WASF2: variants seen among roughly 807,000 people sequenced by gnomAD.
WASF2 encodes the protein WASP family member 2, also known as actin-binding protein WASF2.
WASF2 carries 14 observed loss-of-function variants against 45.0 expected under a neutral mutation model. That is an observed-to-expected ratio of 0.31 (90% CI 0.21 to 0.49). The LOEUF is 0.49. Among genes scored for constraint, WASF2 ranks in the 20% least tolerant of loss-of-function variants. WASF2 has a pLI of 0.99. For synonymous variants in WASF2, 200 were observed against 236.3 expected (o/e 0.85, Z 1.41); for missense variants, 439 against 636.1 (o/e 0.69, Z 3.33).
intron 1 of WASF2, among the ~76,000 whole-genome samples, chr1:27,430,507 T>C (rs1268675844): frequency 6.6e-6 from 1 of 152,138 alleles, no homozygotes; most frequent in Non-Finnish European, 1.5e-5. Flanking sequence ...ATTACAGGCA[T>C]GCACCACCAC....
At chr1:27,472,969 C>T (rs1467865217) in intron 1 of WASF2, among the ~76,000 whole-genome samples, 1 of 98,770 alleles carries the variant, frequency 1.0e-5, no homozygotes, top group African/African-American at 5.8e-5. Context: ...AAGACCTTGT[C>T]TCAAAAAAAA....
chr1:27,461,007 G>A (rs1262096557), intron 1 of WASF2, among the ~76,000 whole-genome samples: 2 of 151,990 alleles, frequency 1.3e-5, no homozygotes, highest in African/African-American at 2.4e-5. Context: ...TTATCTGGGG[G>A]TGTTTGTGGG....
intron 5 of WASF2, among the ~76,000 whole-genome samples, chr1:27,415,229 T>C (rs1318755243): frequency 6.6e-6 from 1 of 152,216 alleles, no homozygotes; most frequent in Non-Finnish European, 1.5e-5. Flanking sequence ...CTCATTCACA[T>C]TTTTGAAAAG....
chr1:27,458,654 G>A lies in WASF2; in HGVS notation c.-43-29721C>T, dbSNP rs527795596. Among the ~76,000 whole-genome samples the A allele has an allele frequency of 6.6e-5, 10 of 151,598 alleles. No homozygotes were observed. In the East Asian group the frequency reaches 7.8e-4, roughly 12 times the overall value. ...CTAAAAATACAAAAATTAGTTGGGCGTGGTGGTGCATGCCTGTAATCCCAG... is the reference window on the plus strand; with the variant it reads ...CTAAAAATACAAAAATTAGTTGGGCATGGTGGTGCATGCCTGTAATCCCAG... On this transcript the variant is annotated intron_variant, in intron 1 of 8. Coordinates refer to ENST00000618852, the MANE Select transcript of WASF2 (RefSeq NM_006990.5).
intron 1 of WASF2, among the ~76,000 whole-genome samples, chr1:27,477,929 A>G: frequency 9.7e-6 from 1 of 103,020 alleles, no homozygotes; most frequent in Non-Finnish European, 1.8e-5. Context: ...TAAAAAAAAA[A>G]ATAAAAATAA....
intron 7 of WASF2, among the ~76,000 whole-genome samples, chr1:27,411,275 G>A (rs970179512): frequency 1.6e-4 from 25 of 152,294 alleles, no homozygotes; most frequent in African/African-American, 4.3e-4. Flanking sequence ...CAAAAGTAAC[G>A]GAGAAAACAG....
intron 1 of WASF2, among the ~76,000 whole-genome samples, chr1:27,457,008 C>T (rs2017478141): frequency 6.6e-6 from 1 of 151,966 alleles, no homozygotes; most frequent in African/African-American, 2.4e-5. Flanking sequence ...CCCCAAAGTG[C>T]TGGGATTTAC....
At chr1:27,450,687 C>T (rs969025243) in intron 1 of WASF2, among the ~76,000 whole-genome samples, 1 of 151,920 alleles carries the variant, frequency 6.6e-6, no homozygotes, top group African/African-American at 2.4e-5. Flanking sequence ...TTAGTACAGA[C>T]GGGGTTTCTC....
chr1:27,467,919 C>T (rs993149986), intron 1 of WASF2, among the ~76,000 whole-genome samples: 1 of 151,468 alleles, frequency 6.6e-6, no homozygotes, highest in African/African-American at 2.4e-5. Flanking sequence ...TTCTTCTTAT[C>T]TTTTTAATGT....
chr1:27,454,149 GTGTGTATATATA>G (rs1217022554), intron 1 of WASF2, among the ~76,000 whole-genome samples: 2 of 83,672 alleles, frequency 2.4e-5, no homozygotes, highest in African/African-American at 5.0e-5. Flanking sequence ...GTGTGTGTGT[GTGTGTATATATA>G]TATATATATA....
At chr1:27,456,965 C>T (rs760408211) in intron 1 of WASF2, among the ~76,000 whole-genome samples, 35 of 152,180 alleles carry the variant, frequency 2.3e-4, no homozygotes, top group Non-Finnish European at 3.8e-4. Flanking sequence ...TGGTCTCAAA[C>T]TCCTGACCTC....
chr1:27,416,756 A>T (rs946118167), intron 4 of WASF2, among the ~76,000 whole-genome samples: 1 of 152,234 alleles, frequency 6.6e-6, no homozygotes, highest in African/African-American at 2.4e-5. Flanking sequence ...CACAAGGTTT[A>T]ATCACCAGCT....
rs1363224176 is a variant in WASF2 at position 27,458,514 on chromosome 1, T to A, written c.-43-29581A>T. Among the ~76,000 whole-genome samples, 4 of 151,950 alleles carry A rather than the reference T, an allele frequency of 2.6e-5. No individual in the cohort carries two copies. The East Asian group carries it at 7.7e-4, about 29-fold the overall frequency. ...AGATTTTTAAAAATTAAGTAAAAAT[T>A]AGGTCGGGGGCAGTGGCTCACTGTA... On this transcript the variant is annotated intron_variant, in intron 1 of 8. Coordinates refer to ENST00000618852, the MANE Select transcript of WASF2 (RefSeq NM_006990.5).
chr1:27,418,238 T>C (rs1450635368), intron 4 of WASF2, 31 bp downstream of exon 4: 3 of 1,596,822 alleles, frequency 1.9e-6, no homozygotes, highest in East Asian at 2.3e-5. Context: ...AAACCATAGG[T>C]TGAAAAAGGG....
chr1:27,458,692 C>T (rs538861314), intron 1 of WASF2, among the ~76,000 whole-genome samples: 1 of 151,858 alleles, frequency 6.6e-6, no homozygotes, highest in Admixed American at 6.6e-5. Flanking sequence ...GCACGGGGTG[C>T]TGAGGCAGGA....
chr1:27,484,808 T>C (rs2017900482), intron 1 of WASF2, among the ~76,000 whole-genome samples: 1 of 108,614 alleles, frequency 9.2e-6, no homozygotes, highest in Non-Finnish European at 1.8e-5. Flanking sequence ...CGAGACTCTG[T>C]CTCAAAAAAA....
At chr1:27,443,366 C>A (rs2017268882) in intron 1 of WASF2, among the ~76,000 whole-genome samples, 1 of 146,734 alleles carries the variant, frequency 6.8e-6, no homozygotes, top group Non-Finnish European at 1.5e-5. Flanking sequence ...GTAGTCCCAG[C>A]ACTTCGGGAG....
intron 1 of WASF2, among the ~76,000 whole-genome samples, chr1:27,472,772 G>A (rs2017708585): frequency 1.3e-5 from 2 of 149,144 alleles, no homozygotes; most frequent in Admixed American, 6.7e-5. Flanking sequence ...ACCAATCTGG[G>A]CAACAAAGCA....
At chr1:27,453,786 G>A (rs1480658110) in intron 1 of WASF2, among the ~76,000 whole-genome samples, 2 of 151,782 alleles carry the variant, frequency 1.3e-5, no homozygotes, top group East Asian at 3.9e-4. Flanking sequence ...AGCTACTGGG[G>A]GGCTAAGGCA....
Sources: gnomAD v4.1 joint callset for allele counts (sites outside exome capture counted in the v4.1 genomes callset) on GRCh38, gnomAD v4.1.1 for gene constraint, MANE v1.5 for transcripts, NCBI Gene and HGNC (gene_info 2026-07-23, HGNC 2026-07-21) for gene names.